The following ALDH1A2 variants were observed in gnomAD, a reference collection of about 807,000 sequenced individuals.
ALDH1A2 encodes aldehyde dehydrogenase 1 family member A2, also known as retinal dehydrogenase 2.
A neutral mutation model predicts 60.3 loss-of-function variants in ALDH1A2; 27 were observed. That is an observed-to-expected ratio of 0.45 (90% CI 0.33 to 0.62). ALDH1A2 has a LOEUF of 0.62. ALDH1A2 is among the 20% of genes least tolerant of loss of function. ALDH1A2 has a pLI of 0.02. For synonymous variants in ALDH1A2, 289 were observed against 232.4 expected (o/e 1.24, Z -2.21); for missense variants, 581 against 643.8 (o/e 0.90, Z 1.06).
At chr15:57,958,862 G>A (rs564441591) in intron 12 of ALDH1A2, among the ~76,000 whole-genome samples, 8 of 152,196 alleles carry the variant, frequency 5.3e-5, no homozygotes, top group Non-Finnish European at 1.2e-4. Context: ...AGATGCAGTG[G>A]GTCTCATCAA....
At chr15:58,059,961 C>T (rs978206239) in intron 1 of ALDH1A2, among the ~76,000 whole-genome samples, 1 of 152,166 alleles carries the variant, frequency 6.6e-6, no homozygotes, top group Non-Finnish European at 1.5e-5. Flanking sequence ...TCACTCTTGT[C>T]GCCCAGGCTG....
chr15:57,988,636 A>G (rs1444759343), intron 7 of ALDH1A2, among the ~76,000 whole-genome samples: 4 of 152,240 alleles, frequency 2.6e-5, no homozygotes, highest in African/African-American at 4.8e-5. Context: ...AACAATCTAC[A>G]TCTTGATTCG....
At chr15:58,051,261 AAC>A in intron 1 of ALDH1A2, among the ~76,000 whole-genome samples, 1 of 152,282 alleles carries the variant, frequency 6.6e-6, no homozygotes, top group South Asian at 2.1e-4. Flanking sequence ...TGTGATGATA[AAC>A]TAATAAGCCT....
chr15:57,973,068 C>T lies in ALDH1A2; in HGVS notation c.799-7241G>A, dbSNP rs151222973. Among the ~76,000 whole-genome samples, 18 of 152,278 alleles carry T rather than the reference C, an allele frequency of 1.2e-4. No homozygotes were observed. In the South Asian group the frequency reaches 1.7e-3, roughly 14 times the overall value. Reference sequence around the variant, plus strand: ...GTTAGCTACAAACATTTGTTTGGCACGAATCAATCTGGACTCTGCTGTAGT... The same window carrying T: ...GTTAGCTACAAACATTTGTTTGGCATGAATCAATCTGGACTCTGCTGTAGT... On this transcript the variant is annotated intron_variant, in intron 7 of 12. Transcript: ENST00000249750.
intron 1 of ALDH1A2, among the ~76,000 whole-genome samples, chr15:58,044,784 C>T (rs1365392506): frequency 6.6e-6 from 1 of 152,006 alleles, no homozygotes; most frequent in African/African-American, 2.4e-5. Context: ...GACCTCAAAA[C>T]CAATCCTTAT....
In ALDH1A2 at chr15:57,954,944, A is replaced by C. The variant is rs1893467296; in HGVS notation, c.*253T>G. ...GAAGGAGATACTGGATGTGTCTGCTAGCTCCTCCTCCTCCCTTTATCCCAC... is the reference window on the plus strand; with the variant it reads ...GAAGGAGATACTGGATGTGTCTGCTCGCTCCTCCTCCTCCCTTTATCCCAC... On this transcript the variant is annotated 3_prime_UTR_variant, in exon 13 of 13. Coordinates refer to ENST00000249750, the MANE Select transcript of ALDH1A2 (RefSeq NM_003888.4). The C allele has an allele frequency of 6.7e-5, 38 of 568,898 alleles. No individual in the cohort carries two copies. The South Asian group carries it at 7.8e-4, about 12-fold the overall frequency. The allele number at this position is 568,898 out of a possible 1,614,324, so 35.2% of individuals were successfully genotyped here. A position where few individuals can be genotyped will look rare whatever the true frequency, so the allele number is the denominator to read the frequency against.
chr15:58,000,388 T>A (rs6493972), intron 4 of ALDH1A2, among the ~76,000 whole-genome samples: 3 of 151,792 alleles, frequency 2.0e-5, no homozygotes, highest in Non-Finnish European at 4.4e-5. Context: ...TACTATGAAT[T>A]CCACTGAACT....
intron 7 of ALDH1A2, among the ~76,000 whole-genome samples, chr15:57,973,708 G>GTGTC (rs1894146226): frequency 6.6e-6 from 1 of 152,140 alleles, no homozygotes; most frequent in African/African-American, 2.4e-5. Flanking sequence ...AAGTCCTTTA[G>GTGTC]TGTCTGCCAA....
At chr15:58,051,070 AAAG>A (rs1244404803) in intron 1 of ALDH1A2, among the ~76,000 whole-genome samples, 2 of 152,292 alleles carry the variant, frequency 1.3e-5, no homozygotes, top group Middle Eastern at 3.4e-3. Context: ...ATAAGTAGTT[AAAG>A]AAGAATTATT....
chr15:58,023,809 G>C (rs1895998834), intron 1 of ALDH1A2, among the ~76,000 whole-genome samples: 1 of 152,122 alleles, frequency 6.6e-6, no homozygotes, highest in South Asian at 2.1e-4. Context: ...GCTCAAAATA[G>C]GGCTGGGCAG....
At chr15:57,987,374 T>C (rs1405257887) in intron 7 of ALDH1A2, among the ~76,000 whole-genome samples, 4 of 152,146 alleles carry the variant, frequency 2.6e-5, no homozygotes, top group Non-Finnish European at 5.9e-5. Context: ...ATCAAATTGC[T>C]GAAAACTGAC....
At chr15:58,013,179 C>T (rs1212173546) in intron 3 of ALDH1A2, among the ~76,000 whole-genome samples, 1 of 152,132 alleles carries the variant, frequency 6.6e-6, no homozygotes, top group Non-Finnish European at 1.5e-5. Context: ...AGGTCCGTAC[C>T]ATCCCCTCTG....
intron 1 of ALDH1A2, among the ~76,000 whole-genome samples, chr15:58,054,910 CTCCT>C (rs1394516276): frequency 6.6e-6 from 1 of 152,032 alleles, no homozygotes; most frequent in African/African-American, 2.4e-5. Flanking sequence ...TATCAATTCT[CTCCT>C]TTTTTTAAAT....
Position 57,955,111 on chromosome 15 carries a change from C to A in ALDH1A2, c.*86G>T. On this transcript the variant is annotated 3_prime_UTR_variant, in exon 13 of 13. Coordinates refer to ENST00000249750, the MANE Select transcript of ALDH1A2 (RefSeq NM_003888.4). ...TCTTTAAGTAAGGACCGTGGCTCAA[C>A]TTTGTATTCCTGAGAGCTGGGCCCT... 1 of 1,398,794 alleles carries A rather than the reference C, an allele frequency of 7.1e-7. No homozygotes were observed. The highest frequency in any genetic ancestry group is 1.4e-5 in the African/African-American group (1 of 70,658). 86.6% of individuals were successfully genotyped at this position (1,398,794 alleles called of 1,614,324 possible).
intron 12 of ALDH1A2, among the ~76,000 whole-genome samples, chr15:57,956,659 C>T (rs1389899429): frequency 1.3e-5 from 2 of 152,210 alleles, no homozygotes; most frequent in Non-Finnish European, 2.9e-5. Flanking sequence ...CTCATTAACT[C>T]CACTCAGTCT....
intron 7 of ALDH1A2, among the ~76,000 whole-genome samples, chr15:57,974,900 C>A (rs1447580058): frequency 6.6e-6 from 1 of 152,184 alleles, no homozygotes; most frequent in African/African-American, 2.4e-5. Context: ...CAACGCTTGT[C>A]TCCAAAGTGT....
rs1210273888 is a variant in ALDH1A2, at chr15:57,961,994, G to A, written c.1251+18C>T. 8 of 1,613,908 alleles carry A rather than the reference G, an allele frequency of 5.0e-6. No individual in the cohort carries two copies. Among genetic ancestry groups the A allele is most frequent in the Admixed American group, 3.3e-5 (2 of 59,996 alleles). ...CCCAAGAAAGATGTGGCTTTTGTAAGAACAGCATATTTGATACCTCCTCCT... is the reference window on the plus strand; with the variant it reads ...CCCAAGAAAGATGTGGCTTTTGTAAAAACAGCATATTTGATACCTCCTCCT... On this transcript the variant is annotated intron_variant, in intron 10 of 12. Coordinates refer to ENST00000249750, the MANE Select transcript of ALDH1A2 (RefSeq NM_003888.4).
At chr15:58,006,421 T>C (rs892683693) in intron 4 of ALDH1A2, among the ~76,000 whole-genome samples, 22 of 152,134 alleles carry the variant, frequency 1.4e-4, no homozygotes, top group Middle Eastern at 3.4e-3. Context: ...TTGGCTGACG[T>C]GCAGTTAGGT....
intron 4 of ALDH1A2, among the ~76,000 whole-genome samples, chr15:58,009,316 T>G (rs924855543): frequency 1.3e-5 from 2 of 152,018 alleles, no homozygotes; most frequent in Non-Finnish European, 2.9e-5. Flanking sequence ...CCCAGACTTA[T>G]TCAGTCAAAA....
Sources: gnomAD v4.1 joint callset for allele counts (sites outside exome capture counted in the v4.1 genomes callset) on GRCh38, gnomAD v4.1.1 for gene constraint, MANE v1.5 for transcripts, NCBI Gene and HGNC (gene_info 2026-07-23, HGNC 2026-07-21) for gene names.